KHDRBS2: variants seen among roughly 807,000 people sequenced by gnomAD.
The protein encoded by KHDRBS2 is KH RNA binding domain containing, signal transduction associated 2.
KHDRBS2 carries 26 observed loss-of-function variants against 44.3 expected under a neutral mutation model. That is an observed-to-expected ratio of 0.59 (90% CI 0.43 to 0.81). KHDRBS2 has a LOEUF of 0.81. Among genes scored for constraint, KHDRBS2 ranks in the 40% least tolerant of loss-of-function variants. KHDRBS2 has a pLI of 0.00. For synonymous variants in KHDRBS2, 194 were observed against 151.1 expected, an observed-to-expected ratio of 1.28 and a Z score of -2.08; for missense variants, 476 against 433.1, an observed-to-expected ratio of 1.10 and a Z score of -0.88.
At chr6:61,783,021 G>A (rs1783248624) in intron 6 of KHDRBS2, among the ~76,000 whole-genome samples, 1 of 151,882 alleles carries the variant, frequency 6.6e-6, no homozygotes, top group Admixed American at 6.6e-5. Flanking sequence ...GGGTGAGGAT[G>A]TATACTGCGC....
intron 1 of KHDRBS2, among the ~76,000 whole-genome samples, chr6:62,200,094 T>A (rs953869369): frequency 6.6e-6 from 1 of 152,150 alleles, no homozygotes; most frequent in African/African-American, 2.4e-5. Flanking sequence ...TCAAGATGGA[T>A]TAAAGACTTA....
rs114238872 is a variant in KHDRBS2, at chr6:62,021,399, T to G, written c.336+26479A>C. On this transcript the variant is annotated intron_variant, in intron 3 of 8. Coordinates refer to ENST00000281156, the MANE Select transcript of KHDRBS2 (RefSeq NM_152688.4). Reference sequence around the variant, plus strand: ...TATAACAAACCTGCACATGTACCCTTGGACTTAAAAGTTAAAAAAATAAAA... The same window carrying G: ...TATAACAAACCTGCACATGTACCCTGGGACTTAAAAGTTAAAAAAATAAAA... Among the ~76,000 whole-genome samples the G allele has an allele frequency of 2.8e-3, 421 of 152,034 alleles. 3 individuals carry two copies. The highest frequency in any genetic ancestry group is 9.3e-3 in the African/African-American group (385 of 41,550).
intron 6 of KHDRBS2, among the ~76,000 whole-genome samples, chr6:61,824,141 C>CTT (rs1454054128): frequency 6.6e-6 from 1 of 152,046 alleles, no homozygotes; most frequent in East Asian, 1.9e-4. Context: ...TCTGGTAAAG[C>CTT]TTATGCTCCA....
At chr6:61,548,907 A>C in the KHDRBS2 span, among the ~76,000 whole-genome samples, 1 of 152,078 alleles carries the variant, frequency 6.6e-6, no homozygotes, top group Non-Finnish European at 1.5e-5. Context: ...TCTCTTTCCA[A>C]CTCCAACACC....
chr6:61,786,046 T>C (rs182510910), intron 6 of KHDRBS2, among the ~76,000 whole-genome samples: 499 of 151,510 alleles, frequency 3.3e-3, no homozygotes, highest in Middle Eastern at 0.031. Flanking sequence ...TTCTCGTTCA[T>C]ACACACACAC....
chr6:61,938,827 T>C lies in KHDRBS2; in HGVS notation c.484-37456A>G, dbSNP rs909311065. 2.0e-5 allele frequency among the ~76,000 whole-genome samples: 3 copies of C among 151,978 alleles called. 1 individual carries two copies. Among genetic ancestry groups the C allele is most frequent in the Admixed American group, 2.0e-4 (3 of 15,260 alleles). On this transcript the variant is annotated intron_variant, in intron 4 of 8. Transcript: ENST00000281156. ...TATAAAGAGAAAAAAGCAAAATTGT[T>C]GATCTCGTGGTTCTATAGTTTCTGG...
chr6:62,207,507 T>G (rs1828201232), intron 1 of KHDRBS2, among the ~76,000 whole-genome samples: 1 of 152,136 alleles, frequency 6.6e-6, no homozygotes, highest in Non-Finnish European at 1.5e-5. Context: ...TGTACCAATT[T>G]ATCTTACAAA....
At chr6:61,613,589 A>G in the KHDRBS2 span, among the ~76,000 whole-genome samples, 244 of 151,850 alleles carry the variant, frequency 1.6e-3, no homozygotes, top group African/African-American at 5.5e-3. Context: ...ACTCCCTACT[A>G]TTTTCTTTCT....
intron 6 of KHDRBS2, among the ~76,000 whole-genome samples, chr6:61,805,551 G>A (rs139309985): frequency 6.0e-4 from 91 of 152,242 alleles, no homozygotes; most frequent in African/African-American, 2.0e-3. Context: ...CCTTCATGCT[G>A]ACATGAAGGA....
intron 8 of KHDRBS2, among the ~76,000 whole-genome samples, chr6:61,691,487 A>G (rs1162632757): frequency 2.6e-5 from 4 of 152,076 alleles, no homozygotes; most frequent in Admixed American, 6.6e-5. Flanking sequence ...TTAAAAATCT[A>G]TATGAAAAGT....
intron 1 of KHDRBS2, among the ~76,000 whole-genome samples, chr6:62,216,735 T>G (rs961547050): frequency 4.7e-5 from 7 of 150,386 alleles, no homozygotes; most frequent in African/African-American, 1.7e-4. Context: ...TTAACGTTTT[T>G]CTCCCAATGA....
intron 2 of KHDRBS2, among the ~76,000 whole-genome samples, chr6:62,071,202 G>C (rs1290181463): frequency 6.6e-6 from 1 of 151,880 alleles, no homozygotes; most frequent in Non-Finnish European, 1.5e-5. Context: ...TTTTTTTCTT[G>C]TAAATTTGTT....
At chr6:61,660,730 T>G in the KHDRBS2 span, among the ~76,000 whole-genome samples, 15 of 151,802 alleles carry the variant, frequency 9.9e-5, no homozygotes. Flanking sequence ...CTACAAAGAT[T>G]TATTGGAAGT....
intron 6 of KHDRBS2, among the ~76,000 whole-genome samples, chr6:61,886,077 T>C (rs1276245007): frequency 6.6e-6 from 1 of 152,150 alleles, no homozygotes; most frequent in African/African-American, 2.4e-5. Flanking sequence ...TCACTATTGT[T>C]AATTCCCTAA....
chr6:61,565,857 TGG>T, the KHDRBS2 span, among the ~76,000 whole-genome samples: 1 of 152,160 alleles, frequency 6.6e-6, no homozygotes, highest in African/African-American at 2.4e-5. Context: ...ATCTCACTGC[TGG>T]GTATATATCC....
chr6:61,936,488 A>G (rs1811049931), intron 4 of KHDRBS2, among the ~76,000 whole-genome samples: 2 of 151,718 alleles, frequency 1.3e-5, no homozygotes, highest in South Asian at 4.2e-4. Context: ...CCATACTCCT[A>G]TATATTCTCA....
intron 3 of KHDRBS2, among the ~76,000 whole-genome samples, chr6:61,989,223 A>G (rs545863318): frequency 2.6e-5 from 4 of 152,286 alleles, no homozygotes; most frequent in Admixed American, 1.3e-4. Flanking sequence ...ATGACCTAGT[A>G]ATATCTTTCC....
At chr6:61,926,642 G>A (rs956947811) in intron 4 of KHDRBS2, among the ~76,000 whole-genome samples, 1 of 152,142 alleles carries the variant, frequency 6.6e-6, no homozygotes, top group African/African-American at 2.4e-5. Context: ...CTTTAAGGGT[G>A]TTAGTGAGCA....
chr6:61,785,383 T>C (rs989258793), intron 6 of KHDRBS2, among the ~76,000 whole-genome samples: 5 of 152,148 alleles, frequency 3.3e-5, no homozygotes, highest in African/African-American at 9.7e-5. Context: ...TATAAATTTG[T>C]ATAAATATTT....
Sources: allele counts gnomAD v4.1 joint callset (sites outside exome capture counted in the v4.1 genomes callset), GRCh38; gene constraint gnomAD v4.1.1; transcripts MANE v1.5; gene names NCBI Gene and HGNC (gene_info 2026-07-23, HGNC 2026-07-21).